FRK: variants seen among roughly 807,000 people sequenced by gnomAD.
FRK encodes tyrosine-protein kinase FRK.
In FRK, 51 loss-of-function variants were observed where a neutral mutation model predicts 56.4. That is an observed-to-expected ratio of 0.90 (90% confidence interval 0.72 to 1.14). The LOEUF (loss-of-function observed/expected upper bound fraction) is 1.14. Among genes scored for constraint, FRK ranks in the 50% most tolerant of loss-of-function variants. The pLI is 0.00. For synonymous variants in FRK, 245 were observed against 217.9 expected, an observed-to-expected ratio of 1.12 and a Z score of -1.10; for missense variants, 570 against 601.4, an observed-to-expected ratio of 0.95 and a Z score of 0.55.
At chr6:116,094,618 C>T in the FRK span, among the ~76,000 whole-genome samples, 45 of 152,378 alleles carry the variant, frequency 3.0e-4, 1 homozygote, top group Admixed American at 1.6e-3. Context: ...GGAGTTATTG[C>T]ACGCAGTGCA....
chr6:116,010,985 T>C (rs1317718235), intron 1 of FRK, among the ~76,000 whole-genome samples: 1 of 152,162 alleles, frequency 6.6e-6, no homozygotes, highest in Non-Finnish European at 1.5e-5. Flanking sequence ...TAGGACATGC[T>C]GCCACCAGGT....
At chr6:116,096,166 C>T in the FRK span, among the ~76,000 whole-genome samples, 6 of 152,240 alleles carry the variant, frequency 3.9e-5, no homozygotes, top group Non-Finnish European at 5.9e-5. Context: ...GACAAACCCA[C>T]TGGCCCTTTG....
At chr6:116,026,923 A>C (rs1776116126) in intron 1 of FRK, among the ~76,000 whole-genome samples, 1 of 152,202 alleles carries the variant, frequency 6.6e-6, no homozygotes, top group African/African-American at 2.4e-5. Context: ...GGTATAAAGT[A>C]GGGAAGAGAT....
intron 1 of FRK, among the ~76,000 whole-genome samples, chr6:116,053,448 G>A (rs1334444569): frequency 6.6e-6 from 1 of 152,144 alleles, no homozygotes; most frequent in East Asian, 1.9e-4. Flanking sequence ...TTACTGTATA[G>A]AAGGTTGTGT....
At chr6:115,996,987 T>C (rs559712110) in intron 2 of FRK, among the ~76,000 whole-genome samples, 1 of 152,190 alleles carries the variant, frequency 6.6e-6, no homozygotes, top group Non-Finnish European at 1.5e-5. Flanking sequence ...TGCAGAAATA[T>C]TTACAAAGTT....
Position 115,931,302 on chromosome 6 carries a change from T to G in FRK, c.*11112A>C. On this transcript the variant is annotated 3_prime_UTR_variant, in exon 8 of 8. Coordinates refer to ENST00000606080, the MANE Select transcript of FRK (RefSeq NM_002031.3). ...AAAATAGAATACATAGGGCAAAATA[T>G]AATTTCAAGAAAAACCATTGCCTTA... The G allele has an allele frequency of 6.6e-6, 1 of 152,262 alleles. No individual in the cohort carries two copies. Among genetic ancestry groups the G allele is most frequent in the East Asian group, 1.9e-4 (1 of 5,186 alleles). The allele number at this position is 152,262 out of a possible 1,614,324, so 9.4% of individuals were successfully genotyped here.
At chr6:116,035,856 C>T (rs571588393) in intron 1 of FRK, among the ~76,000 whole-genome samples, 2 of 152,086 alleles carry the variant, frequency 1.3e-5, no homozygotes, top group South Asian at 4.1e-4. Flanking sequence ...TTTCTATTTA[C>T]AGTAGAGAGA....
Position 115,968,686 on chromosome 6 carries a change from C to T in FRK, c.520G>A (p.Gly174Arg), listed in dbSNP as rs1475526393. ...ATTCTTCTTCGCGTGAGAAAAAATC[C>T]CCCTTCATCCAGTCTTTTAATTCTG... ...HYRIKRLDEG[G>R]FFLTRRRIFS... Residue 174 changes from glycine to arginine, a missense_variant, in exon 3 of 8, where the codon GGA becomes AGA. Physicochemically the swap from Gly to Arg is moderately radical, Grantham distance 125. Coordinates refer to ENST00000606080, the MANE Select transcript of FRK (RefSeq NM_002031.3). 29 of 1,613,646 alleles carry T rather than the reference C, an allele frequency of 1.8e-5. No homozygotes were observed. The Admixed American group carries it at 4.7e-4, about 26-fold the overall frequency.
At chr6:116,056,506 G>T in intron 1 of FRK, among the ~76,000 whole-genome samples, 1 of 152,128 alleles carries the variant, frequency 6.6e-6, no homozygotes, top group Non-Finnish European at 1.5e-5. Context: ...GCAGATAAAT[G>T]ATGCTACGTC....
intron 1 of FRK, chr6:116,039,035 C>A (rs1582743906): frequency 3.6e-5 from 27 of 750,278 alleles, no homozygotes; most frequent in Non-Finnish European, 2.5e-6. Flanking sequence ...GGTCCTGGGG[C>A]ACTCAGAGAG....
rs1773006110 is a variant in FRK at position 115,956,652 on chromosome 6, C to A, written c.800-42G>T. The A allele has an allele frequency of 2.1e-6, 3 of 1,408,336 alleles. No individual in the cohort carries two copies. In the East Asian group the frequency reaches 7.6e-5, roughly 36 times the overall value. 87.2% of individuals were successfully genotyped at this position (1,408,336 alleles called of 1,614,324 possible). On this transcript the variant is annotated intron_variant, in intron 4 of 7. Coordinates refer to ENST00000606080, the MANE Select transcript of FRK (RefSeq NM_002031.3). ...GAGAAATCACTTTATGTTATTGAGG[C>A]ATTCCTATCCTCACAGCAGCCTGGT...
chr6:116,092,784 G>A, the FRK span, among the ~76,000 whole-genome samples: 1 of 152,282 alleles, frequency 6.6e-6, no homozygotes, highest in East Asian at 1.9e-4. Context: ...GTAGCAGCAG[G>A]AAAACAAACA....
intron 2 of FRK, among the ~76,000 whole-genome samples, chr6:115,975,738 C>A (rs576670118): frequency 6.6e-6 from 1 of 152,224 alleles, no homozygotes; most frequent in East Asian, 1.9e-4. Context: ...AATCATCCAT[C>A]AATAAAGTTG....
At position 116,033,176 on chromosome 6, in the gene FRK, G is replaced by A. The variant is rs994608819; in HGVS notation, c.344+26792C>T. The stretch of plus-strand genomic sequence containing the variant: ...TTAATAAGATCAATTTGAACTGCCA[G>A]GCAGGATGAAACATCAGCACAAGCT... On this transcript the variant is annotated intron_variant, in intron 1 of 7. Transcript: ENST00000606080. Among the ~76,000 whole-genome samples, 6 of 1,318 alleles carry A rather than the reference G, an allele frequency of 4.6e-3. No individual in the cohort carries two copies. In the Admixed American group the frequency reaches 0.059, roughly 13 times the overall value. The allele number at this position is 1,318 out of a possible 152,430, so 0.9% of individuals were successfully genotyped here.
At chr6:115,996,727 G>T (rs1239404032) in intron 2 of FRK, among the ~76,000 whole-genome samples, 1 of 152,124 alleles carries the variant, frequency 6.6e-6, no homozygotes, top group Non-Finnish European at 1.5e-5. Flanking sequence ...AAACTATGAA[G>T]ATAGAGAAGA....
the FRK span, among the ~76,000 whole-genome samples, chr6:116,091,841 G>A: frequency 2.0e-5 from 3 of 152,258 alleles, no homozygotes; most frequent in East Asian, 1.9e-4. Context: ...GGGCTGAGCC[G>A]AGGGTCGACG....
intron 1 of FRK, among the ~76,000 whole-genome samples, chr6:116,032,302 C>T (rs1319871620): frequency 1.3e-5 from 2 of 151,996 alleles, no homozygotes; most frequent in African/African-American, 2.4e-5. Flanking sequence ...AAAACATTAT[C>T]TGCAACACAT....
At chr6:116,006,479 A>T (rs1331724773) in intron 1 of FRK, among the ~76,000 whole-genome samples, 1 of 152,222 alleles carries the variant, frequency 6.6e-6, no homozygotes, top group East Asian at 1.9e-4. Context: ...TATCTGGTAA[A>T]GCTGAATATT....
At chr6:116,018,355 T>C (rs192807207) in intron 1 of FRK, among the ~76,000 whole-genome samples, 18 of 152,324 alleles carry the variant, frequency 1.2e-4, no homozygotes, top group Non-Finnish European at 2.1e-4. Flanking sequence ...GAATTTTCTT[T>C]AGCACATCAA....
Sources: allele counts gnomAD v4.1 joint callset (sites outside exome capture counted in the v4.1 genomes callset), GRCh38; gene constraint gnomAD v4.1.1; transcripts MANE v1.5; gene names NCBI Gene and HGNC (gene_info 2026-07-23, HGNC 2026-07-21).